Variants in PBX1 observed in about 807,000 individuals in gnomAD.
PBX1 encodes the protein pre-B-cell leukemia transcription factor 1.
PBX1 carries 6 observed loss-of-function variants against 53.4 expected under a neutral mutation model. That is an observed-to-expected ratio of 0.11 (90% CI 0.06 to 0.22). The LOEUF is 0.22. Ranked by LOEUF, PBX1 falls within the 10% of genes least tolerant of loss-of-function variation. PBX1 has a pLI of 1.00. For synonymous variants in PBX1, 204 were observed against 212.3 expected, an observed-to-expected ratio of 0.96 and a Z score of 0.34; for missense variants, 251 against 551.4, an observed-to-expected ratio of 0.46 and a Z score of 5.46.
chr1:164,856,598 A>G (rs905208571), downstream of PBX1, among the ~76,000 whole-genome samples: 1 of 152,100 alleles, frequency 6.6e-6, no homozygotes, highest in African/African-American at 2.4e-5. Context: ...CAGCCATTAC[A>G]TGGCTGTAGT....
intron 8 of PBX1, among the ~76,000 whole-genome samples, chr1:164,827,985 A>G (rs1670550284): frequency 1.3e-5 from 2 of 152,154 alleles, no homozygotes; most frequent in South Asian, 2.1e-4. Context: ...TCCTGTTCCT[A>G]GAAGACTAGA....
At chr1:164,612,697 T>A (rs145363042) in intron 2 of PBX1, among the ~76,000 whole-genome samples, 119 of 152,256 alleles carry the variant, frequency 7.8e-4, no homozygotes, top group Non-Finnish European at 1.5e-3. Flanking sequence ...AGCACTGCCC[T>A]AGGCGGAGGA....
intron 2 of PBX1, among the ~76,000 whole-genome samples, chr1:164,565,422 GACACACACAC>G (rs36118857): frequency 3.4e-5 from 5 of 145,902 alleles, no homozygotes; most frequent in African/African-American, 7.6e-5. Context: ...TGTGTTAAGG[GACACACACAC>G]ACACACACAC....
At chr1:164,568,078 C>T (rs1339016645) in intron 2 of PBX1, among the ~76,000 whole-genome samples, 1 of 152,128 alleles carries the variant, frequency 6.6e-6, no homozygotes, top group African/African-American at 2.4e-5. Flanking sequence ...TGTTGACATC[C>T]ATGAACTTTT....
At chr1:164,606,941 C>T (rs771962183) in intron 2 of PBX1, among the ~76,000 whole-genome samples, 2 of 152,262 alleles carry the variant, frequency 1.3e-5, no homozygotes, top group South Asian at 2.1e-4. Context: ...ACATGAGGTA[C>T]TGGGGAAGTA....
chr1:164,745,923 A>G (rs184588597), intron 2 of PBX1, among the ~76,000 whole-genome samples: 2 of 152,342 alleles, frequency 1.3e-5, no homozygotes, highest in Non-Finnish European at 2.9e-5. Flanking sequence ...ATGTGCCTCT[A>G]GAGGATCGTT....
intron 2 of PBX1, among the ~76,000 whole-genome samples, chr1:164,716,685 T>TAC (rs375539653): frequency 0.09 from 10,408 of 115,722 alleles, 544 homozygotes; most frequent in African/African-American, 0.15. Context: ...ATGTCATCTC[T>TAC]ACACACACAC....
chr1:164,765,077 T>C (rs760612622), intron 2 of PBX1, among the ~76,000 whole-genome samples: 1 of 152,198 alleles, frequency 6.6e-6, no homozygotes, highest in Non-Finnish European at 1.5e-5. Flanking sequence ...GCTTAATTGC[T>C]TCTGTCAGCG....
chr1:164,692,887 G>A lies in PBX1; in HGVS notation c.266-99607G>A, dbSNP rs113038498. ...ATTTCATGAAAGGGAATCGAAGAATGTAAATAACTTACCTAAGATCATAGA... is the reference window on the plus strand; with the variant it reads ...ATTTCATGAAAGGGAATCGAAGAATATAAATAACTTACCTAAGATCATAGA... On this transcript the variant is annotated intron_variant, in intron 2 of 8. Coordinates refer to ENST00000420696, the MANE Select transcript of PBX1 (RefSeq NM_002585.4). Among the ~76,000 whole-genome samples, 838 of 152,308 alleles carry A rather than the reference G, an allele frequency of 5.5e-3. 9 individuals carry two copies. Among genetic ancestry groups the A allele is most frequent in the African/African-American group, 0.011 (474 of 41,568 alleles).
intron 8 of PBX1, among the ~76,000 whole-genome samples, chr1:164,843,040 C>G (rs1671381624): frequency 1.3e-5 from 2 of 151,862 alleles, no homozygotes; most frequent in Admixed American, 1.3e-4. Flanking sequence ...GAATTGCTCC[C>G]CAGGGTTAAC....
chr1:164,606,151 G>A (rs1332828473), intron 2 of PBX1, among the ~76,000 whole-genome samples: 3 of 152,238 alleles, frequency 2.0e-5, no homozygotes, highest in South Asian at 2.1e-4. Context: ...AATTTGTTGT[G>A]TATATTTAAA....
At chr1:164,695,547 G>T (rs991469101) in intron 2 of PBX1, among the ~76,000 whole-genome samples, 5 of 152,150 alleles carry the variant, frequency 3.3e-5, no homozygotes, top group African/African-American at 1.2e-4. Context: ...TCCTGACCCA[G>T]TTCTAGATAT....
intron 2 of PBX1, among the ~76,000 whole-genome samples, chr1:164,782,434 T>C (rs1667979673): frequency 6.6e-6 from 1 of 152,204 alleles, no homozygotes; most frequent in Admixed American, 6.5e-5. Context: ...TATCATATTA[T>C]CAGTGGTAGG....
chr1:164,723,393 C>T (rs898818823), intron 2 of PBX1, among the ~76,000 whole-genome samples: 2 of 148,272 alleles, frequency 1.3e-5, no homozygotes, highest in East Asian at 1.9e-4. Context: ...CTGGCAGTCT[C>T]GCAAACACTG....
chr1:164,791,103 C>T (rs1668485012), intron 2 of PBX1, among the ~76,000 whole-genome samples: 1 of 152,222 alleles, frequency 6.6e-6, no homozygotes, highest in South Asian at 2.1e-4. Flanking sequence ...CCTACCCACA[C>T]ATTCTTTTCA....
At chr1:164,564,132 T>C (rs1223387440) in intron 2 of PBX1, 1 of 152,076 alleles carries the variant, frequency 6.6e-6, no homozygotes, top group Non-Finnish European at 1.5e-5. Context: ...AGAAGAAAGA[T>C]TTGAGAAGGC....
intron 1 of PBX1, among the ~76,000 whole-genome samples, chr1:164,561,564 A>G (rs1168742738): frequency 6.6e-6 from 1 of 152,234 alleles, no homozygotes; most frequent in Non-Finnish European, 1.5e-5. Flanking sequence ...TTTCTCTATT[A>G]TATTGTTCTA....
chr1:164,700,544 G>C, intron 2 of PBX1: 1 of 985,384 alleles, frequency 1.0e-6, no homozygotes, highest in Non-Finnish European at 1.2e-6. Flanking sequence ...CCAGAATGTG[G>C]TGGCTTTGCT....
At chr1:164,878,252 G>A (rs1179045148) in intron 2 of PBX1, among the ~76,000 whole-genome samples, 1 of 152,046 alleles carries the variant, frequency 6.6e-6, no homozygotes, top group Non-Finnish European at 1.5e-5. Flanking sequence ...GTTACTGTGA[G>A]GATTAGATGA....
Sources: gnomAD v4.1 joint callset for allele counts (sites outside exome capture counted in the v4.1 genomes callset) on GRCh38, gnomAD v4.1.1 for gene constraint, MANE v1.5 for transcripts, NCBI Gene and HGNC (gene_info 2026-07-23, HGNC 2026-07-21) for gene names.